Variants in ALPK1 observed in about 807,000 individuals in gnomAD.
ALPK1 encodes the protein alpha-protein kinase 1.
In ALPK1, 110 loss-of-function variants were observed where a neutral mutation model predicts 120.6. That is an observed-to-expected ratio of 0.91 (90% confidence interval 0.78 to 1.07). ALPK1 has a LOEUF of 1.07. Among genes scored for constraint, ALPK1 ranks in the 50% least tolerant of loss-of-function variants. The pLI, the probability that ALPK1 is intolerant of heterozygous loss-of-function variation, is 0.00. For missense variants in ALPK1, 1,498 were observed against 1,483.9 expected, an observed-to-expected ratio of 1.01 and a Z score of -0.16; for synonymous variants, 582 against 560.3, an observed-to-expected ratio of 1.04 and a Z score of -0.55.
chr4:112,372,371 C>G (rs561992569), intron 2 of ALPK1, among the ~76,000 whole-genome samples: 1 of 152,062 alleles, frequency 6.6e-6, no homozygotes, highest in Non-Finnish European at 1.5e-5. Flanking sequence ...AGCCACCACA[C>G]CCGGCTAATT....
In ALPK1 at chr4:112,355,992, A is replaced by G. The variant is rs1236275375; in HGVS notation, c.-100-21686A>G. 2.2e-5 allele frequency: 14 copies of G among 635,596 alleles called. No individual in the cohort carries two copies. In the Admixed American group the frequency reaches 2.9e-4, roughly 13 times the overall value. 39.4% of individuals were successfully genotyped at this position (635,596 alleles called of 1,614,324 possible). A position where few individuals can be genotyped will look rare whatever the true frequency, so the allele number is the denominator to read the frequency against. Reference sequence around the variant, plus strand: ...CTGTGCCATAGGGATTCTAGAAGAGAACAGCGTTGTGTCCCAGTGTGCATG... The same window carrying G: ...CTGTGCCATAGGGATTCTAGAAGAGGACAGCGTTGTGTCCCAGTGTGCATG... On this transcript the variant is annotated intron_variant, in intron 2 of 15. Coordinates refer to ENST00000650871, the MANE Select transcript of ALPK1 (RefSeq NM_025144.4).
intron 1 of ALPK1, among the ~76,000 whole-genome samples, chr4:112,309,723 T>G (rs1261355152): frequency 6.6e-6 from 1 of 152,140 alleles, no homozygotes; most frequent in Non-Finnish European, 1.5e-5. Context: ...ACTTCAGTAG[T>G]GTCAAGTTAC....
At chr4:112,385,243 G>T (rs1018236685) in intron 4 of ALPK1, among the ~76,000 whole-genome samples, 4 of 152,190 alleles carry the variant, frequency 2.6e-5, no homozygotes, top group Admixed American at 1.3e-4. Context: ...GGGGTTTAAT[G>T]TGAGTTGGGA....
At position 112,359,552 on chromosome 4, in the gene ALPK1, G is replaced by A. The variant is rs112379967; in HGVS notation, c.-100-18126G>A. ...GACCCCAAGAGGAGAGCCTTGCCAC[G>A]CCTCCTATGCTCACCCACGGGGCTT... is the stretch of plus-strand genomic sequence containing the variant. On this transcript the variant is annotated intron_variant, in intron 2 of 15. Coordinates refer to ENST00000650871, the MANE Select transcript of ALPK1 (RefSeq NM_025144.4). 2.7e-3 allele frequency: 654 copies of A among 241,880 alleles called. 4 individuals carry two copies. The highest frequency in any genetic ancestry group is 0.014 in the African/African-American group (610 of 43,818). The allele number at this position is 241,880 out of a possible 1,614,324, so 15.0% of individuals were successfully genotyped here.
intron 2 of ALPK1, among the ~76,000 whole-genome samples, chr4:112,350,922 G>A (rs1190599688): frequency 6.6e-6 from 1 of 152,162 alleles, no homozygotes. Flanking sequence ...GTCTATGTGA[G>A]CGTTCTCTCA....
chr4:112,358,149 C>T (rs896267736), intron 2 of ALPK1: 54 of 615,506 alleles, frequency 8.8e-5, no homozygotes, highest in Non-Finnish European at 1.4e-4. Flanking sequence ...TCTGGGCAGG[C>T]GTCCAGGGCT....
intron 4 of ALPK1, 22 bp downstream of exon 4, chr4:112,382,574 G>A (rs761066168): frequency 6.2e-7 from 1 of 1,614,100 alleles, no homozygotes; most frequent in Admixed American, 1.7e-5. Flanking sequence ...CACACCACCT[G>A]TTCCTCTGAT....
At chr4:112,383,838 C>T (rs547212678) in intron 4 of ALPK1, 1 of 152,270 alleles carries the variant, frequency 6.6e-6, no homozygotes, top group South Asian at 2.1e-4. Context: ...TTACTACACC[C>T]AACCTACTAA....
chr4:112,347,834 A>C (rs1730165165), intron 2 of ALPK1, among the ~76,000 whole-genome samples: 1 of 147,372 alleles, frequency 6.8e-6, no homozygotes, highest in African/African-American at 2.5e-5. Context: ...TTTTGCCAGT[A>C]ATAGACTGTG....
intron 4 of ALPK1, among the ~76,000 whole-genome samples, chr4:112,409,618 T>C (rs1578547333): frequency 1.3e-5 from 2 of 152,112 alleles, no homozygotes; most frequent in African/African-American, 4.8e-5. Flanking sequence ...ACTTATGATA[T>C]AGAGAAGTAA....
At chr4:112,433,885 T>C (rs1412767009) in intron 11 of ALPK1, among the ~76,000 whole-genome samples, 1 of 152,172 alleles carries the variant, frequency 6.6e-6, no homozygotes, top group African/African-American at 2.4e-5. Flanking sequence ...GATTTCCATC[T>C]AATGGGTCTG....
rs776314633 is a variant in ALPK1 at position 112,435,231 on chromosome 4, G to A, written c.3118G>A (p.Val1040Met). ...TIVYLGDYLT[V>M]KKKGRQRNAF... ...TGTCTATTTGGGGGACTACTTGACTGTGAAGAAAAAAGGCAGACAAAGAAA... is the reference window on the plus strand; with the variant it reads ...TGTCTATTTGGGGGACTACTTGACTATGAAGAAAAAAGGCAGACAAAGAAA... The change falls in exon 12 of 16, where the codon GTG (valine) becomes ATG (methionine). Residue 1040 changes from valine (V) to methionine (M), a missense_variant. Coordinates refer to ENST00000650871, the MANE Select transcript of ALPK1 (RefSeq NM_025144.4). The A allele has an allele frequency of 1.9e-6, 3 of 1,613,568 alleles. No homozygotes were observed. The South Asian group carries it at 3.3e-5, about 18-fold the overall frequency.
chr4:112,411,707 A>G (rs1290612709), intron 4 of ALPK1, 120 bp from the exon 5 acceptor site: 22 of 928,006 alleles, frequency 2.4e-5, no homozygotes, highest in Non-Finnish European at 2.8e-5. Flanking sequence ...CTAACAAAGT[A>G]TTTTTCTCTT....
chr4:112,323,006 G>C (rs1208197080), intron 2 of ALPK1, among the ~76,000 whole-genome samples: 3 of 152,158 alleles, frequency 2.0e-5, no homozygotes, highest in African/African-American at 4.8e-5. Flanking sequence ...CCCAGCCACA[G>C]CCACCCCTGA....
intron 5 of ALPK1, among the ~76,000 whole-genome samples, chr4:112,420,679 C>T (rs1369725695): frequency 6.6e-6 from 1 of 152,326 alleles, no homozygotes; most frequent in East Asian, 1.9e-4. Context: ...TCTAGCCAGG[C>T]ATATATCCCA....
At chr4:112,439,569 A>T in intron 13 of ALPK1, 117 bp from the exon 14 acceptor site, 1 of 741,264 alleles carries the variant, frequency 1.3e-6, no homozygotes, top group Non-Finnish European at 2.1e-6. Context: ...ACCCATGATG[A>T]AATTGAAGCT....
chr4:112,376,779 T>C (rs1218515845), intron 2 of ALPK1, among the ~76,000 whole-genome samples: 1 of 152,342 alleles, frequency 6.6e-6, no homozygotes, highest in South Asian at 2.1e-4. Context: ...GTAATAAAAT[T>C]CTACATGCCC....
At chr4:112,324,843 C>G (rs562878342) in intron 2 of ALPK1, among the ~76,000 whole-genome samples, 49 of 152,108 alleles carry the variant, frequency 3.2e-4, no homozygotes, top group African/African-American at 1.2e-3. Flanking sequence ...GGTAGATTGT[C>G]TGTCCCAAAA....
intron 4 of ALPK1, among the ~76,000 whole-genome samples, chr4:112,386,394 A>C (rs1732153773): frequency 6.6e-6 from 1 of 152,230 alleles, no homozygotes; most frequent in Non-Finnish European, 1.5e-5. Flanking sequence ...ATGGGAGATT[A>C]ATGTGGCTGT....
Sources: gnomAD v4.1 joint callset for allele counts (sites outside exome capture counted in the v4.1 genomes callset) on GRCh38, gnomAD v4.1.1 for gene constraint, MANE v1.5 for transcripts, NCBI Gene and HGNC (gene_info 2026-07-23, HGNC 2026-07-21) for gene names.